The following DPPA2 variants were observed in gnomAD, a reference collection of about 807,000 sequenced individuals.
The protein encoded by DPPA2 is developmental pluripotency-associated protein 2.
DPPA2 carries 26 observed loss-of-function variants against 36.2 expected under a neutral mutation model. That is an observed-to-expected ratio of 0.72 (90% CI 0.53 to 1.00). The LOEUF (loss-of-function observed/expected upper bound fraction) is 1.00, where lower values mean the gene tolerates loss of function less well. Ranked by LOEUF, DPPA2 falls within the 50% of genes least tolerant of loss-of-function variation. The probability of loss-of-function intolerance (pLI) is 0.00; values close to 1 mark genes in which losing one functional copy is unlikely to be tolerated. For synonymous variants in DPPA2, 113 were observed against 123.2 expected (o/e 0.92, Z 0.55); for missense variants, 361 against 365.1 (o/e 0.99, Z 0.09).
In DPPA2 at chr3:109,299,686, CAAAAAA is replaced by C. The variant is rs755862175; in HGVS notation, c.*22+679_*22+684del. Among the ~76,000 whole-genome samples, 315 of 50,450 alleles carry C rather than the reference CAAAAAA, an allele frequency of 6.2e-3. 4 individuals are homozygous for C. The highest frequency in any genetic ancestry group is 0.021 in the African/African-American group (281 of 13,288). 33.1% of individuals were successfully genotyped at this position (50,450 alleles called of 152,430 possible). On this transcript the variant is annotated intron_variant, in intron 8 of 8. Transcript: ENST00000478945. ...GGGCGACAAGAATGAGACCCCGTCT[CAAAAAA>C]AAAAAAAAGAAAAAGAAAAAGAAAA...
At chr3:109,299,458 A>G (rs1472299021) in intron 8 of DPPA2, among the ~76,000 whole-genome samples, 2 of 152,010 alleles carry the variant, frequency 1.3e-5, no homozygotes, top group South Asian at 2.1e-4. Flanking sequence ...CGGAGGTTGC[A>G]GTGAGCTGAG....
chr3:109,300,496 C>T, intron 7 of DPPA2, 61 bp from the exon 8 acceptor site: 1 of 1,510,672 alleles, frequency 6.6e-7, no homozygotes, highest in Non-Finnish European at 9.2e-7. Context: ...CCATCCCTTA[C>T]CAATCCCTTT....
chr3:109,307,938 CA>C lies in DPPA2; in HGVS notation c.658+93del, dbSNP rs1209998390. 2.1e-6 allele frequency: 3 copies of C among 1,440,752 alleles called. No individual in the cohort carries two copies. In the African/African-American group the frequency reaches 4.3e-5, roughly 21 times the overall value. The allele number at this position is 1,440,752 out of a possible 1,614,324, so 89.2% of individuals were successfully genotyped here. ...AATTTCTAATCTTCAGATATTTTAG[CA>C]AATGCCTTCCCTTTGACCACGTTTC... On this transcript the variant is annotated intron_variant, in intron 6 of 8. Coordinates refer to ENST00000478945, the MANE Select transcript of DPPA2 (RefSeq NM_138815.4).
At chr3:109,309,128 A>T in intron 4 of DPPA2, 42 bp downstream of exon 4, 1 of 1,614,158 alleles carries the variant, frequency 6.2e-7, no homozygotes, top group Non-Finnish European at 8.5e-7. Flanking sequence ...AAAGACTCCC[A>T]TAATTATTCC....
intron 6 of DPPA2, among the ~76,000 whole-genome samples, chr3:109,305,645 G>A (rs536863987): frequency 1.5e-4 from 23 of 151,754 alleles, no homozygotes; most frequent in African/African-American, 4.6e-4. Context: ...GTGGTGGCAC[G>A]CGCCTGTAAT....
chr3:109,298,734 A>ATAAT (rs1347086282), intron 8 of DPPA2, among the ~76,000 whole-genome samples: 5 of 148,972 alleles, frequency 3.4e-5, no homozygotes, highest in Non-Finnish European at 1.5e-5. Flanking sequence ...AATAATAATA[A>ATAAT]TAATAATAAA....
rs116532722 is a variant in DPPA2, at chr3:109,315,595, A to C, written c.-14+689T>G. Reference sequence around the variant, plus strand: ...ACTAAAGGAAATTTCATTCACCAATAATATGGCAGCACTGGACAACCAAGT... The same window carrying C: ...ACTAAAGGAAATTTCATTCACCAATCATATGGCAGCACTGGACAACCAAGT... On this transcript the variant is annotated intron_variant, in intron 1 of 8. Coordinates refer to ENST00000478945, the MANE Select transcript of DPPA2 (RefSeq NM_138815.4). Among the ~76,000 whole-genome samples the C allele has an allele frequency of 6.7e-3, 1,016 of 152,342 alleles. 16 individuals are homozygous for C. Among genetic ancestry groups the C allele is most frequent in the African/African-American group, 0.023 (940 of 41,568 alleles).
rs1707650908 is a variant in DPPA2, at chr3:109,309,277, T to C, written c.235A>G (p.Lys79Glu). The change falls in exon 4 of 9, where the codon AAA (lysine) becomes GAA (glutamate). Residue 79 changes from lysine (K) to glutamate (E), a missense_variant. Coordinates refer to ENST00000478945, the MANE Select transcript of DPPA2 (RefSeq NM_138815.4). ...QFTAPQKARC[K>E]IPALPLPTIL... ...GTCGGCAAGGGAAGGGCTGGTATTT[T>C]GCATCTAGCTTTTTGTGGAGCTGTA... 6.2e-7 allele frequency: 1 copy of C among 1,614,194 alleles called. No individual in the cohort carries two copies.
At chr3:109,300,460 G>A in intron 7 of DPPA2, 25 bp from the exon 8 acceptor site, 2 of 1,609,002 alleles carry the variant, frequency 1.2e-6, no homozygotes, top group Non-Finnish European at 1.7e-6. Context: ...GAAAAGAACT[G>A]TGAAATATTG....
At chr3:109,306,810 A>C (rs1428543277) in intron 6 of DPPA2, among the ~76,000 whole-genome samples, 1 of 151,664 alleles carries the variant, frequency 6.6e-6, no homozygotes, top group Non-Finnish European at 1.5e-5. Flanking sequence ...TACTGAAAAA[A>C]AAAAAATACA....
chr3:109,309,223 G>A lies in DPPA2; in HGVS notation c.289C>T (p.Arg97Trp), dbSNP rs759064635. ...TGACACCAGTCCCGCAAAGTGTCCC[G>A]ACACACCTTATTAATGGGAGGCAAA... is the stretch of plus-strand genomic sequence containing the variant. ...TILPPINKVC[R>W]DTLRDWCQQL... The change falls in exon 4 of 9, where the codon CGG becomes TGG. Residue 97 changes from arginine (R) to tryptophan (W), a missense_variant. Arg to Trp is a moderately radical substitution (Grantham distance 101). Transcript: ENST00000478945. 1.8e-5 allele frequency: 29 copies of A among 1,613,964 alleles called. No homozygotes were observed. Among genetic ancestry groups the A allele is most frequent in the Non-Finnish European group, 2.4e-5 (28 of 1,180,038 alleles).
chr3:109,304,133 G>C (rs1032480653), intron 7 of DPPA2, among the ~76,000 whole-genome samples: 10 of 152,196 alleles, frequency 6.6e-5, no homozygotes, highest in Non-Finnish European at 1.0e-4. Context: ...AGCTGGGCGT[G>C]GTGGTGCATG....
At chr3:109,304,844 C>G (rs1576819565) in intron 6 of DPPA2, among the ~76,000 whole-genome samples, 174 bp from the exon 7 acceptor site, 1 of 152,136 alleles carries the variant, frequency 6.6e-6, no homozygotes, top group Non-Finnish European at 1.5e-5. Flanking sequence ...TTACATAACA[C>G]AAAGAATAGT....
chr3:109,315,483 A>C (rs1707771938), intron 1 of DPPA2, among the ~76,000 whole-genome samples: 1 of 152,222 alleles, frequency 6.6e-6, no homozygotes, highest in African/African-American at 2.4e-5. Flanking sequence ...CGATGCACTT[A>C]GGAATTGCTG....
chr3:109,299,206 A>G (rs1392176784), intron 8 of DPPA2, among the ~76,000 whole-genome samples: 79 of 49,980 alleles, frequency 1.6e-3, no homozygotes, highest in Middle Eastern at 0.01. Flanking sequence ...AAACATACCA[A>G]AAAAAAAAAA....
At chr3:109,294,825 C>T (rs1351148668) in intron 8 of DPPA2, among the ~76,000 whole-genome samples, 1 of 152,114 alleles carries the variant, frequency 6.6e-6, no homozygotes, top group Non-Finnish European at 1.5e-5. Context: ...AGTTCAAGAG[C>T]AGCCTGGCCA....
At chr3:109,302,356 T>C (rs899343250) in intron 7 of DPPA2, among the ~76,000 whole-genome samples, 1 of 152,210 alleles carries the variant, frequency 6.6e-6, no homozygotes, top group Non-Finnish European at 1.5e-5. Context: ...ATTCGTCTCA[T>C]TCCTCCTTAA....
At chr3:109,299,154 T>A (rs1251643128) in intron 8 of DPPA2, among the ~76,000 whole-genome samples, 1 of 149,450 alleles carries the variant, frequency 6.7e-6, no homozygotes, top group Non-Finnish European at 1.5e-5. Flanking sequence ...GGTCAGGAGT[T>A]CCAGATCAGC....
At chr3:109,297,089 T>C (rs1707367985) in intron 8 of DPPA2, among the ~76,000 whole-genome samples, 1 of 150,634 alleles carries the variant, frequency 6.6e-6, no homozygotes. Context: ...ATTCTCTCAA[T>C]AAAAAATAAA....
Sources: gnomAD v4.1 joint callset for allele counts (sites outside exome capture counted in the v4.1 genomes callset) on GRCh38, gnomAD v4.1.1 for gene constraint, MANE v1.5 for transcripts, NCBI Gene and HGNC (gene_info 2026-07-23, HGNC 2026-07-21) for gene names.